The following PIEZO2 variants were observed in gnomAD, a reference collection of about 807,000 sequenced individuals.
PIEZO2 encodes the protein piezo type mechanosensitive ion channel component 2.
A neutral mutation model predicts 337.3 loss-of-function variants in PIEZO2; 172 were observed. That is an observed-to-expected ratio of 0.51 (90% CI 0.45 to 0.58). PIEZO2 has a LOEUF of 0.58. Ranked by LOEUF, PIEZO2 falls within the 20% of genes least tolerant of loss-of-function variation. The probability of loss-of-function intolerance (pLI) is 0.00; values close to 1 mark genes in which losing one functional copy is unlikely to be tolerated. For missense variants in PIEZO2, 3,028 were observed against 3,391.3 expected, an observed-to-expected ratio of 0.89 and a Z score of 2.66; for synonymous variants, 1,251 against 1,228.5, an observed-to-expected ratio of 1.02 and a Z score of -0.38.
At chr18:10,820,433 C>A (rs1480431444) in intron 7 of PIEZO2, among the ~76,000 whole-genome samples, 3 of 150,300 alleles carry the variant, frequency 2.0e-5, no homozygotes, top group African/African-American at 7.4e-5. Flanking sequence ...ATCTTTTCTT[C>A]TGTGGTATTT....
Position 11,109,601 on chromosome 18 carries a change from C to T in PIEZO2, c.64+38924G>A, listed in dbSNP as rs11876721. On this transcript the variant is annotated intron_variant, in intron 1 of 55. Transcript: ENST00000674853. The surrounding 1 kb of genome is among the most constrained non-coding windows in gnomAD (Gnocchi z 5.1). ...GGCATGGTGGCATGCACCTGTAATC[C>T]CAGCTACACCGGAGGCTGAGGCAAG... is the stretch of plus-strand genomic sequence containing the variant. 0.11 allele frequency among the ~76,000 whole-genome samples: 16,921 copies of T among 151,952 alleles called. 1,203 individuals are homozygous for T. The highest frequency in any genetic ancestry group is 0.2 in the African/African-American group (8,422 of 41,396).
intron 1 of PIEZO2, among the ~76,000 whole-genome samples, chr18:11,085,833 T>C (rs2038889736): frequency 9.0e-6 from 1 of 110,722 alleles, no homozygotes; most frequent in African/African-American, 4.8e-5. Context: ...AGTGCTACTT[T>C]GGCAAGAAAG....
At chr18:11,018,360 G>A (rs2036194462) in intron 2 of PIEZO2, among the ~76,000 whole-genome samples, 1 of 145,118 alleles carries the variant, frequency 6.9e-6, no homozygotes, top group African/African-American at 2.6e-5. Context: ...TGAGATCCTG[G>A]GGGTTAGGAC....
chr18:10,846,221 G>C lies in PIEZO2; in HGVS notation c.917+9132C>G, dbSNP rs1283338054. ...GCCTCACAATCATGGCAGAAGGCAA[G>C]GAGGAGCAAGTCACATCTTACACAG... On this transcript the variant is annotated intron_variant, in intron 7 of 55. Transcript: ENST00000674853. This position sits in a 1 kb window ranked among gnomAD's most constrained non-coding sequence, Gnocchi z 4.1. Among the ~76,000 whole-genome samples the C allele has an allele frequency of 6.6e-6, 1 of 152,182 alleles. No individual in the cohort carries two copies. Among genetic ancestry groups the C allele is most frequent in the Non-Finnish European group, 1.5e-5 (1 of 68,040 alleles).
In PIEZO2 at chr18:10,830,434, T is replaced by C. The variant is rs373525769; in HGVS notation, c.918-23160A>G. ...AGACAACCAATGCAACCTAGCACCA[T>C]TTATTGAAGAGACTGTCCTTTCCCC... is the stretch of plus-strand genomic sequence containing the variant. On this transcript the variant is annotated intron_variant, in intron 7 of 55. Transcript: ENST00000674853. This position sits in a 1 kb window ranked among gnomAD's most constrained non-coding sequence, Gnocchi z 4.7. Among the ~76,000 whole-genome samples, 11 of 149,436 alleles carry C rather than the reference T, an allele frequency of 7.4e-5. No individual in the cohort carries two copies. In the South Asian group the frequency reaches 2.1e-3, roughly 29 times the overall value.
intron 50 of PIEZO2, 84 bp from the exon 51 acceptor site, chr18:10,681,837 T>C: frequency 8.5e-7 from 1 of 1,177,118 alleles, no homozygotes; most frequent in Non-Finnish European, 1.3e-6. Context: ...TTATGTAGGA[T>C]ATCAGCCCAT....
At position 11,060,439 on chromosome 18, in the gene PIEZO2, A is replaced by G. The variant is rs146910159; in HGVS notation, c.160+5688T>C. Among the ~76,000 whole-genome samples the G allele has an allele frequency of 5.9e-3, 891 of 152,284 alleles. 7 individuals are homozygous for G. Among genetic ancestry groups the G allele is most frequent in the Middle Eastern group, 0.01 (3 of 294 alleles). ...GAACTGAAGGAGATAGAGACCAAAA[A>G]ACCCTTCAAAAAATCAATGAATCCA... On this transcript the variant is annotated intron_variant, in intron 2 of 55. Coordinates refer to ENST00000674853, the MANE Select transcript of PIEZO2 (RefSeq NM_001378183.1).
chr18:10,757,341 A>T (rs1448547768), intron 27 of PIEZO2, among the ~76,000 whole-genome samples: 1 of 147,894 alleles, frequency 6.8e-6, no homozygotes, highest in East Asian at 2.0e-4. Flanking sequence ...GGAGGATGAG[A>T]AGAGGAATGG....
In PIEZO2 at chr18:10,748,060, G is replaced by T. The variant is rs750816425; in HGVS notation, c.4424+411C>A. ...TGGAGCCTAGGGGAAAAAACAGGTAGTAATGCAAATTGTGTCAGTGGCTCA... is the reference window on the plus strand; with the variant it reads ...TGGAGCCTAGGGGAAAAAACAGGTATTAATGCAAATTGTGTCAGTGGCTCA... On this transcript the variant is annotated intron_variant, in intron 30 of 55. Transcript: ENST00000674853. This position sits in a 1 kb window ranked among gnomAD's most constrained non-coding sequence, Gnocchi z 5.1. 6.6e-6 allele frequency among the ~76,000 whole-genome samples: 1 copy of T among 152,128 alleles called. No homozygotes were observed. Among genetic ancestry groups the T allele is most frequent in the Non-Finnish European group, 1.5e-5 (1 of 68,022 alleles).
Position 10,741,039 on chromosome 18 carries a change from T to C in PIEZO2, c.4700A>G (p.His1567Arg), listed in dbSNP as rs1198411979. 6.5e-7 allele frequency: 1 copy of C among 1,536,444 alleles called. No homozygotes were observed. Among genetic ancestry groups the C allele is most frequent in the African/African-American group, 1.4e-5 (1 of 73,028 alleles). The change falls in exon 33 of 56, where the codon CAT becomes CGT. Residue 1567 changes from histidine to arginine, a missense_variant. His to Arg is a conservative substitution (Grantham distance 29). Transcript: ENST00000674853. ...GGATCGAGAAAACCTACTGGAAGCA[T>C]GATCAACCCAAGGCCGCCACCACTG... is the stretch of plus-strand genomic sequence containing the variant. ...KKQWWRPWVD[H>R]ASMVRSGDYY...
chr18:10,879,794 G>A (rs1207145294), intron 4 of PIEZO2, among the ~76,000 whole-genome samples: 1 of 152,068 alleles, frequency 6.6e-6, no homozygotes, highest in East Asian at 1.9e-4. Context: ...TAACTTACCT[G>A]TCCATAAAGA....
intron 1 of PIEZO2, among the ~76,000 whole-genome samples, chr18:11,095,263 C>A (rs1598952093): frequency 1.3e-5 from 2 of 152,204 alleles, no homozygotes; most frequent in Non-Finnish European, 2.9e-5. Flanking sequence ...ACATTGGCTG[C>A]CTTCTCATTT....
intron 23 of PIEZO2, among the ~76,000 whole-genome samples, chr18:10,761,466 C>T (rs2038130186): frequency 6.6e-6 from 1 of 152,184 alleles, no homozygotes; most frequent in African/African-American, 2.4e-5. Context: ...AGTACAGAGA[C>T]ATCCTGGGAC....
In PIEZO2 at chr18:10,929,307, G is replaced by A. The variant is rs1201990800; in HGVS notation, c.287-18079C>T. On this transcript the variant is annotated intron_variant, in intron 3 of 55. Transcript: ENST00000674853. The surrounding 1 kb of genome is among the most constrained non-coding windows in gnomAD (Gnocchi z 5.6). ...TGCACGCATCATATGAAGGTGTTAT[G>A]CTGCTGCATGCATGGGTACCCCACA... 1.3e-5 allele frequency among the ~76,000 whole-genome samples: 2 copies of A among 152,220 alleles called. No individual in the cohort carries two copies. Among genetic ancestry groups the A allele is most frequent in the Non-Finnish European group, 2.9e-5 (2 of 68,042 alleles).
rs1228398139 is a variant in PIEZO2, at chr18:11,047,911, C to T, written c.160+18216G>A. 6.6e-6 allele frequency among the ~76,000 whole-genome samples: 1 copy of T among 152,120 alleles called. No individual in the cohort carries two copies. Among genetic ancestry groups the T allele is most frequent in the East Asian group, 1.9e-4 (1 of 5,188 alleles). ...TAAGAGTTAATGGCTGGCCAGGTTG[C>T]CAGGAAAGAGGAAAAACAGGCATCT... On this transcript the variant is annotated intron_variant, in intron 2 of 55. Coordinates refer to ENST00000674853, the MANE Select transcript of PIEZO2 (RefSeq NM_001378183.1). The surrounding 1 kb of genome is among the most constrained non-coding windows in gnomAD (Gnocchi z 7.2).
chr18:10,700,512 C>T (rs947929418), intron 43 of PIEZO2, among the ~76,000 whole-genome samples: 1 of 151,720 alleles, frequency 6.6e-6, no homozygotes, highest in African/African-American at 2.4e-5. Context: ...CAATATGAAA[C>T]ACCAAGATTT....
At position 11,093,610 on chromosome 18, in the gene PIEZO2, G is replaced by A. The variant is rs533598387; in HGVS notation, c.65-27388C>T. On this transcript the variant is annotated intron_variant, in intron 1 of 55. Coordinates refer to ENST00000674853, the MANE Select transcript of PIEZO2 (RefSeq NM_001378183.1). ...TTTTTTTTTTTTTTTTTTCTGAGACGGAGTCTCGCTCTGTCGCCCAGGCTG... is the reference window on the plus strand; with the variant it reads ...TTTTTTTTTTTTTTTTTTCTGAGACAGAGTCTCGCTCTGTCGCCCAGGCTG... Among the ~76,000 whole-genome samples, 194 of 134,488 alleles carry A rather than the reference G, an allele frequency of 1.4e-3. 1 individual carries two copies. The highest frequency in any genetic ancestry group is 4.8e-3 in the African/African-American group (173 of 36,138). The allele number at this position is 134,488 out of a possible 152,430, so 88.2% of individuals were successfully genotyped here.
chr18:10,748,911 G>C lies in PIEZO2; in HGVS notation c.4265-281C>G, dbSNP rs900818325. 6.6e-6 allele frequency among the ~76,000 whole-genome samples: 1 copy of C among 152,056 alleles called. No individual in the cohort carries two copies. The highest frequency in any genetic ancestry group is 1.5e-5 in the Non-Finnish European group (1 of 68,018). On this transcript the variant is annotated intron_variant, in intron 29 of 55. Transcript: ENST00000674853. This position sits in a 1 kb window ranked among gnomAD's most constrained non-coding sequence, Gnocchi z 5.1. ...GCCTCTTGAGTATTTCTCTCTCTTA[G>C]GAAGAAAGGGACCTCCAACAAAGGC...
At position 10,813,435 on chromosome 18, in the gene PIEZO2, C is replaced by G. The variant is rs905639988; in HGVS notation, c.918-6161G>C. Among the ~76,000 whole-genome samples, 1 of 152,126 alleles carries G rather than the reference C, an allele frequency of 6.6e-6. No homozygotes were observed. The highest frequency in any genetic ancestry group is 1.5e-5 in the Non-Finnish European group (1 of 68,040). On this transcript the variant is annotated intron_variant, in intron 7 of 55. Coordinates refer to ENST00000674853, the MANE Select transcript of PIEZO2 (RefSeq NM_001378183.1). The surrounding 1 kb of genome is among the most constrained non-coding windows in gnomAD (Gnocchi z 4.2). ...CCTTCTCCTCCCAGGCCCTGGAAAC[C>G]ACCATTGTACTTTCTAAATCTGTGA...
Sources: gnomAD v4.1 joint callset for allele counts (sites outside exome capture counted in the v4.1 genomes callset) on GRCh38, gnomAD v4.1.1 for gene constraint, Gnocchi (gnomAD v3.1) non-coding constraint, MANE v1.5 for transcripts, NCBI Gene and HGNC (gene_info 2026-07-23, HGNC 2026-07-21) for gene names.